Variants in DMD observed in about 807,000 individuals in gnomAD.
DMD encodes the protein mutant dystrophin.
Under a neutral mutation model 330.1 loss-of-function variants are expected in DMD, and 63 were observed. The ratio of observed to expected loss-of-function variants is 0.19; its 90% CI spans 0.16 to 0.24. The LOEUF (loss-of-function observed/expected upper bound fraction) is 0.24. DMD is among the 10% of genes least tolerant of loss of function. The pLI, the probability that DMD is intolerant of heterozygous loss-of-function variation, is 1.00. For missense variants in DMD, 3,344 were observed against 2,684.1 expected (o/e 1.25, Z -5.43); for synonymous variants, 1,223 against 959.8 (o/e 1.27, Z -5.07).
chrX:32,275,461 C>A (rs1346213334), intron 43 of DMD, among the ~76,000 whole-genome samples: 4 of 111,689 alleles, frequency 3.6e-5, no homozygotes, highest in African/African-American at 1.3e-4. Context: ...TGACATTCAA[C>A]AACCAATAAA....
At chrX:33,268,525 G>A (rs1387837332) in intron 1 of DMD, among the ~76,000 whole-genome samples, 5 of 111,428 alleles carry the variant, frequency 4.5e-5, no homozygotes, top group African/African-American at 1.6e-4. Context: ...ACATGCAAGC[G>A]ACCAACAAAC....
At chrX:33,303,470 T>C (rs183405000) in intron 1 of DMD, among the ~76,000 whole-genome samples, 64 of 111,114 alleles carry the variant, frequency 5.8e-4, no homozygotes, top group African/African-American at 2.0e-3. Context: ...TCCTGGGTAA[T>C]AGGAATATGG....
intron 62 of DMD, among the ~76,000 whole-genome samples, chrX:31,315,447 C>T (rs764928478): frequency 5.2e-4 from 58 of 112,400 alleles, no homozygotes; most frequent in African/African-American, 1.7e-3. Context: ...ACAGTTGTTT[C>T]AAATGCAGAT....
At chrX:31,321,988 T>G (rs1031746981) in intron 62 of DMD, among the ~76,000 whole-genome samples, 1 of 111,776 alleles carries the variant, frequency 8.9e-6, no homozygotes, top group Non-Finnish European at 1.9e-5. Context: ...GAAAGGACAA[T>G]GGGACCGGGG....
At chrX:32,693,586 T>A (rs149261138) in intron 9 of DMD, among the ~76,000 whole-genome samples, 1 of 111,157 alleles carries the variant, frequency 9.0e-6, no homozygotes, top group Admixed American at 9.6e-5. Flanking sequence ...ATTACAGGTG[T>A]GTGCCACCAC....
At chrX:32,982,150 T>C (rs1308232697) in intron 2 of DMD, among the ~76,000 whole-genome samples, 1 of 111,975 alleles carries the variant, frequency 8.9e-6, no homozygotes, top group Non-Finnish European at 1.9e-5. Flanking sequence ...TAAAAACTGA[T>C]TTTATAATTA....
At chrX:33,267,322 T>A (rs954174353) in intron 1 of DMD, among the ~76,000 whole-genome samples, 1 of 110,936 alleles carries the variant, frequency 9.0e-6, no homozygotes, top group African/African-American at 3.3e-5. Flanking sequence ...CTGAAAGATC[T>A]CTGTAAGGAG....
intron 74 of DMD, among the ~76,000 whole-genome samples, chrX:31,162,379 G>T (rs866523981): frequency 3.4e-5 from 1 of 29,006 alleles, no homozygotes; most frequent in Non-Finnish European, 7.9e-5. Context: ...AAAAAAAAAA[G>T]GGAAATTGGA....
At chrX:31,368,830 G>A (rs912391745) in intron 60 of DMD, among the ~76,000 whole-genome samples, 5 of 110,831 alleles carry the variant, frequency 4.5e-5, no homozygotes, top group Admixed American at 3.8e-4. Context: ...ATTTTTAGTA[G>A]AGACAGGGTT....
At chrX:33,255,619 C>T (rs2148900506) in intron 1 of DMD, among the ~76,000 whole-genome samples, 1 of 110,983 alleles carries the variant, frequency 9.0e-6, no homozygotes, top group Non-Finnish European at 1.9e-5. Context: ...TCAATAACTG[C>T]AAAGCCTTGG....
At chrX:33,101,200 C>G (rs1477025835) in intron 1 of DMD, among the ~76,000 whole-genome samples, 2 of 112,280 alleles carry the variant, frequency 1.8e-5, no homozygotes, top group Non-Finnish European at 3.8e-5. Flanking sequence ...CCTACTAAAG[C>G]TAGGAAAATA....
chrX:32,273,770 A>C (rs1183036617), intron 43 of DMD, among the ~76,000 whole-genome samples: 2 of 112,233 alleles, frequency 1.8e-5, no homozygotes, highest in Non-Finnish European at 1.9e-5. Context: ...AAATTCCACC[A>C]AGTAAAGATA....
chrX:31,638,771 T>C (rs1412623385), intron 54 of DMD, among the ~76,000 whole-genome samples: 1 of 112,584 alleles, frequency 8.9e-6, no homozygotes, highest in Non-Finnish European at 1.9e-5. Flanking sequence ...ATTTCTCTTA[T>C]AGCCTCCACG....
At chrX:31,624,905 G>A (rs142622133) in intron 55 of DMD, among the ~76,000 whole-genome samples, 3 of 112,230 alleles carry the variant, frequency 2.7e-5, no homozygotes, top group African/African-American at 9.7e-5. Context: ...TACTGAAATT[G>A]CATGTAATCT....
chrX:31,303,105 T>C (rs2054773589), intron 62 of DMD, among the ~76,000 whole-genome samples: 1 of 111,910 alleles, frequency 8.9e-6, no homozygotes, highest in African/African-American at 3.2e-5. Flanking sequence ...TGTTTATCTT[T>C]CCAGGCTTTT....
rs141282264 is a variant in DMD at position 31,416,183 on chromosome X, G to A, written c.9084+28298C>T. 9.9e-3 allele frequency among the ~76,000 whole-genome samples: 1,102 copies of A among 111,878 alleles called. 14 individuals are homozygous for A. Among genetic ancestry groups the A allele is most frequent in the African/African-American group, 0.034 (1,040 of 30,787 alleles). ...GGAATTCATATTCTAGGACAGCACAGCCTTCATCTTATGAAAAAGGCCAAA... is the reference window on the plus strand; with the variant it reads ...GGAATTCATATTCTAGGACAGCACAACCTTCATCTTATGAAAAAGGCCAAA... On this transcript the variant is annotated intron_variant, in intron 60 of 78. Coordinates refer to ENST00000357033, the MANE Select transcript of DMD (RefSeq NM_004006.3).
At chrX:33,024,895 T>C (rs1167737170) in intron 1 of DMD, among the ~76,000 whole-genome samples, 1 of 111,719 alleles carries the variant, frequency 9.0e-6, no homozygotes, top group Admixed American at 9.6e-5. Flanking sequence ...CTCATGGAGC[T>C]ATTGACAGGA....
At chrX:33,051,646 A>ATTTTTTTATTTTTTTTATT (rs2094458500) in intron 1 of DMD, among the ~76,000 whole-genome samples, 1 of 71,959 alleles carries the variant, frequency 1.4e-5, no homozygotes, top group African/African-American at 6.5e-5. Context: ...ATTACGCTCT[A>ATTTTTTTATTTTTTTTATT]TTTTTTTTTT....
At chrX:32,074,868 A>G (rs866926570) in intron 44 of DMD, among the ~76,000 whole-genome samples, 2 of 103,937 alleles carry the variant, frequency 1.9e-5, no homozygotes, top group Admixed American at 1.1e-4. Flanking sequence ...AGCAGCAGCA[A>G]CAACAACAAC....
Sources: allele counts gnomAD v4.1 joint callset (sites outside exome capture counted in the v4.1 genomes callset), GRCh38; gene constraint gnomAD v4.1.1; transcripts MANE v1.5; gene names NCBI Gene and HGNC (gene_info 2026-07-23, HGNC 2026-07-21).